Variants in C4orf50 observed in about 807,000 individuals in gnomAD.
C4orf50 encodes uncharacterized protein C4orf50.
In C4orf50, 80 loss-of-function variants were observed where a neutral mutation model predicts 77.2. The observed-to-expected ratio is 1.04, with a 90% CI of 0.87 to 1.25. C4orf50 has a LOEUF of 1.25. Among genes scored for constraint, C4orf50 ranks in the 50% most tolerant of loss-of-function variants. The pLI is 0.00. For missense variants in C4orf50, 1,257 were observed against 1,152.9 expected, an observed-to-expected ratio of 1.09 and a Z score of -1.31; for synonymous variants, 532 against 465.3, an observed-to-expected ratio of 1.14 and a Z score of -1.84.
intron 30 of C4orf50, among the ~76,000 whole-genome samples, chr4:5,975,532 G>C (rs1394478933): frequency 6.6e-6 from 1 of 150,946 alleles, no homozygotes; most frequent in Admixed American, 6.6e-5. Flanking sequence ...TTTGTTTTGA[G>C]TCAGGGTCTC....
At chr4:5,996,130 TGCGCCA>T (rs1292247484) in intron 25 of C4orf50, among the ~76,000 whole-genome samples, 1 of 152,222 alleles carries the variant, frequency 6.6e-6, no homozygotes, top group Non-Finnish European at 1.5e-5. Context: ...TCTGCAGCTT[TGCGCCA>T]GCTTCCCCTC....
chr4:5,938,469 C>G (rs781064478), intron 7 of C4orf50, among the ~76,000 whole-genome samples: 2 of 152,114 alleles, frequency 1.3e-5, no homozygotes, highest in African/African-American at 2.4e-5. Flanking sequence ...GCGGGAGGGG[C>G]CCTCTGATCT....
At chr4:5,944,605 T>C (rs1718403968) in intron 7 of C4orf50, among the ~76,000 whole-genome samples, 1 of 152,052 alleles carries the variant, frequency 6.6e-6, no homozygotes, top group South Asian at 2.1e-4. Context: ...GAAGCTCCAG[T>C]GGAGGAAGCA....
At chr4:5,997,658 A>G (rs149192851) in intron 25 of C4orf50, among the ~76,000 whole-genome samples, 66 of 152,356 alleles carry the variant, frequency 4.3e-4, no homozygotes, top group African/African-American at 1.5e-3. Context: ...TATAAGCAAA[A>G]AGAAGAAAAT....
intron 7 of C4orf50, among the ~76,000 whole-genome samples, chr4:5,925,657 C>A (rs1717482633): frequency 6.6e-6 from 1 of 152,274 alleles, no homozygotes; most frequent in African/African-American, 2.4e-5. Flanking sequence ...TTCCACCCAG[C>A]ACTGCCTGAG....
intron 7 of C4orf50, among the ~76,000 whole-genome samples, chr4:5,935,836 G>A (rs985821888): frequency 1.7e-5 from 2 of 116,714 alleles, no homozygotes; most frequent in Non-Finnish European, 3.6e-5. Context: ...ATTACAAAAC[G>A]CCCAAGAAAA....
chr4:5,976,457 G>GAAAAAAA (rs138450804), intron 29 of C4orf50, among the ~76,000 whole-genome samples: 3 of 93,074 alleles, frequency 3.2e-5, no homozygotes, highest in Admixed American at 1.3e-4. Context: ...CTCTGTCTCG[G>GAAAAAAA]AAAAAAAAAA....
At chr4:5,974,739 T>C (rs920172083) in intron 30 of C4orf50, among the ~76,000 whole-genome samples, 3 of 152,202 alleles carry the variant, frequency 2.0e-5, no homozygotes, top group African/African-American at 7.2e-5. Flanking sequence ...AAATTCTGTG[T>C]CCTGCTAGCA....
Position 5,958,108 on chromosome 4 carries a change from C to G in C4orf50, c.*1267G>C, listed in dbSNP as rs1308831291. The G allele has an allele frequency of 6.6e-6, 1 of 152,338 alleles. No homozygotes were observed. The highest frequency in any genetic ancestry group is 1.5e-5 in the Non-Finnish European group (1 of 68,168). The allele number at this position is 152,338 out of a possible 1,614,324, so 9.4% of individuals were successfully genotyped here. On this transcript the variant is annotated 3_prime_UTR_variant, in exon 34 of 34. Transcript: ENST00000531445. This position sits in a 1 kb window ranked among gnomAD's most constrained non-coding sequence, Gnocchi z 5.4. The stretch of plus-strand genomic sequence containing the variant: ...GACAGGTAGCGGCTTTGGCCTTTCC[C>G]TTAAGCCCCTCCTCAGCCCCTTCCC...
At chr4:5,897,969 C>A (rs1716195089) in exon 8 of C4orf50, 1 of 152,218 alleles carries the variant, frequency 6.6e-6, no homozygotes, top group African/African-American at 2.4e-5. Flanking sequence ...CAGGACTTGG[C>A]CTGCCAACAT....
chr4:5,993,501 G>A (rs73196029), intron 26 of C4orf50, among the ~76,000 whole-genome samples: 12,484 of 152,270 alleles, frequency 0.082, 605 homozygotes, highest in African/African-American at 0.14. Flanking sequence ...GGCTCTGGAA[G>A]CCACGGCTGA....
At chr4:5,976,571 G>A (rs528158197) in intron 29 of C4orf50, among the ~76,000 whole-genome samples, 10 of 152,096 alleles carry the variant, frequency 6.6e-5, no homozygotes, top group Admixed American at 6.5e-4. Context: ...CTGGTCTTGT[G>A]GTAAACATAC....
At chr4:5,983,156 C>T (rs6811776) in intron 28 of C4orf50, among the ~76,000 whole-genome samples, 1,692 of 152,260 alleles carry the variant, frequency 0.011, 31 homozygotes, top group African/African-American at 0.039. Context: ...ATCCAGCCAC[C>T]GACTCCTCTC....
Position 6,007,763 on chromosome 4 carries a change from G to A in C4orf50, c.963+233C>T, listed in dbSNP as rs903168333. 4.7e-5 allele frequency among the ~76,000 whole-genome samples: 7 copies of A among 148,798 alleles called. No individual in the cohort carries two copies. The highest frequency in any genetic ancestry group is 9.9e-5 in the African/African-American group (4 of 40,404). On this transcript the variant is annotated intron_variant, in intron 25 of 33. Coordinates refer to ENST00000531445, the Ensembl canonical transcript of C4orf50. This position sits in a 1 kb window ranked among gnomAD's most constrained non-coding sequence, Gnocchi z 4.1. ...TGAGGATGGACAGGTGAGTGGACAC[G>A]GTTGGTGGATGGGTAATGAGGTGGG...
At chr4:5,986,783 C>T (rs975700873) in intron 28 of C4orf50, among the ~76,000 whole-genome samples, 36 of 152,092 alleles carry the variant, frequency 2.4e-4, no homozygotes, top group Admixed American at 1.5e-3. Flanking sequence ...ATGATCCGCC[C>T]TCCTTGGCCT....
chr4:6,004,211 G>GT (rs1722073057), intron 25 of C4orf50, among the ~76,000 whole-genome samples: 9 of 69,264 alleles, frequency 1.3e-4, no homozygotes, highest in South Asian at 6.4e-4. Flanking sequence ...TGGTGATGAT[G>GT]GTGATGGTGA....
intron 30 of C4orf50, among the ~76,000 whole-genome samples, 168 bp downstream of exon 8, chr4:5,975,731 C>T (rs1720238873): frequency 6.6e-6 from 1 of 152,128 alleles, no homozygotes; most frequent in Non-Finnish European, 1.5e-5. Context: ...TCAAGCAATC[C>T]ACCCGCCTCA....
In C4orf50 at chr4:5,905,251, C is replaced by G. The variant is rs140695651; in HGVS notation, c.*2475-7063G>C. ...GGCTTCTTACAGTCAACAGCCATCT[C>G]TTGGGTCCCCAGGTTGGTATCATAC... On this transcript the variant is annotated intron_variant, in intron 7 of 7. Transcript: ENST00000324058. This position sits in a 1 kb window ranked among gnomAD's most constrained non-coding sequence, Gnocchi z 5.4. The G allele has an allele frequency of 1.2e-3, 187 of 152,350 alleles. No individual in the cohort carries two copies. The highest frequency in any genetic ancestry group is 4.3e-3 in the African/African-American group (179 of 41,584). The allele number at this position is 152,350 out of a possible 1,614,324, so 9.4% of individuals were successfully genotyped here. A position where few individuals can be genotyped will look rare whatever the true frequency, so the allele number is the denominator to read the frequency against.
chr4:5,987,030 A>C (rs1720900827), intron 28 of C4orf50, among the ~76,000 whole-genome samples: 2 of 152,206 alleles, frequency 1.3e-5, no homozygotes, highest in Admixed American at 6.5e-5. Context: ...ATTGCAAAAG[A>C]AGAACAGCTG....
Sources: gnomAD v4.1 joint callset for allele counts (sites outside exome capture counted in the v4.1 genomes callset) on GRCh38, gnomAD v4.1.1 for gene constraint, Gnocchi (gnomAD v3.1) non-coding constraint, MANE v1.5 for transcripts, NCBI Gene and HGNC (gene_info 2026-07-23, HGNC 2026-07-21) for gene names.